DLGAP2: variants seen among roughly 807,000 people sequenced by gnomAD.
DLGAP2 encodes the protein DLG associated protein 2.
DLGAP2 carries 26 observed loss-of-function variants against 100.3 expected under a neutral mutation model. The ratio of observed to expected loss-of-function variants is 0.26; its 90% CI spans 0.19 to 0.36. The LOEUF (loss-of-function observed/expected upper bound fraction) is 0.36. Among genes scored for constraint, DLGAP2 ranks in the 10% least tolerant of loss-of-function variants. The pLI is 1.00. For synonymous variants in DLGAP2, 886 were observed against 630.1 expected (o/e 1.41, Z -6.08); for missense variants, 1,858 against 1,453.2 (o/e 1.28, Z -4.53).
intron 3 of DLGAP2, among the ~76,000 whole-genome samples, chr8:1,390,908 C>CTG (rs759133546): frequency 6.6e-6 from 1 of 152,206 alleles, no homozygotes; most frequent in Non-Finnish European, 1.5e-5. Flanking sequence ...GCAAGGCAGG[C>CTG]AGCAACCTCA....
At chr8:814,759 G>A (rs1465984831) in intron 1 of DLGAP2, among the ~76,000 whole-genome samples, 4 of 150,660 alleles carry the variant, frequency 2.7e-5, no homozygotes, top group Admixed American at 2.0e-4. Flanking sequence ...AGGCTGAGGC[G>A]GGAGGATGGT....
chr8:962,434 T>C (rs768516270), intron 2 of DLGAP2, among the ~76,000 whole-genome samples: 1 of 152,180 alleles, frequency 6.6e-6, no homozygotes, highest in Non-Finnish European at 1.5e-5. Flanking sequence ...TTGGAGTCAG[T>C]GTCCAGGAGT....
intron 6 of DLGAP2, among the ~76,000 whole-genome samples, chr8:1,616,474 GAC>G (rs1325353351): frequency 6.6e-6 from 1 of 152,138 alleles, no homozygotes; most frequent in African/African-American, 2.4e-5. Flanking sequence ...ACCAGAGAGA[GAC>G]AAGTCTGTAA....
At chr8:1,260,958 C>T (rs1245150186) in intron 3 of DLGAP2, among the ~76,000 whole-genome samples, 3 of 152,204 alleles carry the variant, frequency 2.0e-5, no homozygotes, top group Non-Finnish European at 4.4e-5. Context: ...CCCTGGGCAC[C>T]TGCCTTTGGC....
chr8:1,685,813 T>G (rs1799099594), intron 12 of DLGAP2, among the ~76,000 whole-genome samples: 1 of 150,862 alleles, frequency 6.6e-6, no homozygotes, highest in African/African-American at 2.4e-5. Context: ...GGCCAACAGG[T>G]ATGTGACAAA....
chr8:850,423 A>G (rs1193276578), intron 1 of DLGAP2, among the ~76,000 whole-genome samples: 1 of 152,144 alleles, frequency 6.6e-6, no homozygotes, highest in African/African-American at 2.4e-5. Flanking sequence ...TATTTTAAGA[A>G]AAAAAATCAT....
rs961065028 is a variant in DLGAP2 at position 1,668,671 on chromosome 8, G to T, written c.2153G>T (p.Gly718Val). 19 of 1,547,236 alleles carry T rather than the reference G, an allele frequency of 1.2e-5. No homozygotes were observed. Among genetic ancestry groups the T allele is most frequent in the Non-Finnish European group, 1.6e-5 (18 of 1,144,282 alleles). Residue 718 changes from glycine to valine, a missense_variant, in exon 9 of 15, where the codon GGG becomes GTG. By Grantham distance (109) the Gly-to-Val change is moderately radical (BLOSUM62 -3). Coordinates refer to ENST00000637795, the MANE Select transcript of DLGAP2 (RefSeq NM_001346810.2). ...ELLKSRCSSI[G>V]IQDSEFPEHQ... ...CTCAAGAGCCGCTGCTCCTCCATCG[G>T]GATTCAGGTAGCTGCTCTTGGCCGC...
chr8:1,635,379 C>G lies in DLGAP2; in HGVS notation c.1810+2333C>G, dbSNP rs545074027. 5.3e-5 allele frequency among the ~76,000 whole-genome samples: 8 copies of G among 152,314 alleles called. No individual in the cohort carries two copies. In the East Asian group the frequency reaches 1.5e-3, roughly 29 times the overall value. On this transcript the variant is annotated intron_variant, in intron 8 of 14. Coordinates refer to ENST00000637795, the MANE Select transcript of DLGAP2 (RefSeq NM_001346810.2). ...CATCCAAAGTTTCCTGTCCGTGAGTCAGGCGGATTTCAAAAATTTTCTACT... is the reference window on the plus strand; with the variant it reads ...CATCCAAAGTTTCCTGTCCGTGAGTGAGGCGGATTTCAAAAATTTTCTACT...
chr8:1,265,769 G>C (rs1481157443), intron 3 of DLGAP2, among the ~76,000 whole-genome samples: 1 of 152,192 alleles, frequency 6.6e-6, no homozygotes, highest in African/African-American at 2.4e-5. Context: ...GATGATGTTG[G>C]AATAATGTCT....
At chr8:1,632,040 C>G (rs181843867) in intron 7 of DLGAP2, among the ~76,000 whole-genome samples, 71 of 142,526 alleles carry the variant, frequency 5.0e-4, no homozygotes, top group African/African-American at 1.8e-3. Context: ...CCAGGAGAAA[C>G]AAGAAGAGAA....
At chr8:1,649,373 A>G (rs1232935690) in intron 8 of DLGAP2, among the ~76,000 whole-genome samples, 1 of 152,128 alleles carries the variant, frequency 6.6e-6, no homozygotes, top group Non-Finnish European at 1.5e-5. Context: ...CCCAGTGTCT[A>G]GTCATTGCTA....
At chr8:953,425 G>A (rs551484994) in intron 2 of DLGAP2, among the ~76,000 whole-genome samples, 1 of 152,098 alleles carries the variant, frequency 6.6e-6, no homozygotes, top group Admixed American at 6.6e-5. Flanking sequence ...AACTCCTGAC[G>A]TCGTGATCCA....
intron 8 of DLGAP2, among the ~76,000 whole-genome samples, chr8:1,663,541 T>C (rs922715286): frequency 6.6e-6 from 1 of 152,174 alleles, no homozygotes; most frequent in African/African-American, 2.4e-5. Flanking sequence ...GCAAGAAAGA[T>C]TGATTTAATA....
At chr8:1,172,495 G>C (rs1408188113) in intron 2 of DLGAP2, among the ~76,000 whole-genome samples, 2 of 152,260 alleles carry the variant, frequency 1.3e-5, no homozygotes, top group Middle Eastern at 6.8e-3. Context: ...ACTTGGTTCT[G>C]TTCTCCCTGT....
chr8:1,138,044 C>T (rs552682361), intron 2 of DLGAP2, among the ~76,000 whole-genome samples: 9 of 152,294 alleles, frequency 5.9e-5, no homozygotes, highest in Non-Finnish European at 7.3e-5. Context: ...CCCCCTCTCT[C>T]GATGGAAGCT....
intron 10 of DLGAP2, among the ~76,000 whole-genome samples, chr8:1,675,181 G>A (rs1012948008): frequency 4.6e-5 from 7 of 152,226 alleles, no homozygotes; most frequent in Non-Finnish European, 5.9e-5. Context: ...GAAAGTGGAC[G>A]TCTCTGTCCG....
intron 2 of DLGAP2, among the ~76,000 whole-genome samples, chr8:1,085,475 A>G (rs897105476): frequency 7.2e-5 from 11 of 152,146 alleles, no homozygotes; most frequent in Non-Finnish European, 5.9e-5. Context: ...TTCCTCTAGT[A>G]GTTTTGCAGT....
chr8:907,311 G>T (rs914977422), intron 1 of DLGAP2, among the ~76,000 whole-genome samples: 2 of 152,182 alleles, frequency 1.3e-5, no homozygotes, highest in African/African-American at 4.8e-5. Context: ...GCACGTTACC[G>T]GAGTGTGTGC....
rs1426966221 is a variant in DLGAP2, at chr8:1,315,834, G to A, written c.106+56951G>A. Reference sequence around the variant, plus strand: ...GTCTACACTCGAGAAACTCGGCAGCGTTTAAAAATAGAGCCTGTGCGAGTG... The same window carrying A: ...GTCTACACTCGAGAAACTCGGCAGCATTTAAAAATAGAGCCTGTGCGAGTG... On this transcript the variant is annotated intron_variant, in intron 3 of 14. Coordinates refer to ENST00000637795, the MANE Select transcript of DLGAP2 (RefSeq NM_001346810.2). 3.6e-5 allele frequency among the ~76,000 whole-genome samples: 3 copies of A among 82,862 alleles called. No homozygotes were observed. In the Admixed American group the frequency reaches 4.2e-4, roughly 12 times the overall value. 54.4% of individuals were successfully genotyped at this position (82,862 alleles called of 152,430 possible). A position where few individuals can be genotyped will look rare whatever the true frequency, so the allele number is the denominator to read the frequency against.
Sources: allele counts gnomAD v4.1 joint callset (sites outside exome capture counted in the v4.1 genomes callset), GRCh38; gene constraint gnomAD v4.1.1; transcripts MANE v1.5; gene names NCBI Gene and HGNC (gene_info 2026-07-23, HGNC 2026-07-21).